APPL1: variants seen among roughly 807,000 people sequenced by gnomAD.
APPL1 encodes the protein DCC-interacting protein 13-alpha.
Under a neutral mutation model 106.8 loss-of-function variants are expected in APPL1, and 42 were observed. The observed-to-expected ratio is 0.39, with a 90% CI of 0.31 to 0.51. The LOEUF is 0.51. Ranked by LOEUF, APPL1 falls within the 20% of genes least tolerant of loss-of-function variation. The pLI, the probability that APPL1 is intolerant of heterozygous loss-of-function variation, is 0.75. For missense variants in APPL1, 769 were observed against 858.2 expected (o/e 0.90, Z 1.30); for synonymous variants, 263 against 281.8 (o/e 0.93, Z 0.67).
At chr3:57,257,517 A>G (rs923202145) in intron 15 of APPL1, 89 bp downstream of exon 15, 3 of 1,130,556 alleles carry the variant, frequency 2.7e-6, no homozygotes, top group African/African-American at 3.1e-5. Context: ...CTTATTTATA[A>G]TGTATATCAG....
intron 7 of APPL1, among the ~76,000 whole-genome samples, chr3:57,244,927 A>G (rs1240959908): frequency 2.0e-5 from 3 of 152,160 alleles, no homozygotes; most frequent in African/African-American, 7.2e-5. Context: ...AGTAGAATTG[A>G]CAAGACTTGT....
At chr3:57,235,476 T>C (rs1347607380) in intron 1 of APPL1, 90 bp from the exon 2 acceptor site, 4 of 724,480 alleles carry the variant, frequency 5.5e-6, no homozygotes, top group East Asian at 2.7e-5. Flanking sequence ...AACTTTAATA[T>C]CCTACGATTT....
At position 57,257,313 on chromosome 3, in the gene APPL1, G is replaced by A; in HGVS notation, c.1315G>A (p.Ala439Thr). 6.2e-7 allele frequency: 1 copy of A among 1,613,934 alleles called. No individual in the cohort carries two copies. Among genetic ancestry groups the A allele is most frequent in the African/African-American group, 1.3e-5 (1 of 74,958 alleles). The change falls in exon 15 of 22, where the codon GCT becomes ACT. Residue 439 changes from alanine (A) to threonine (T), a missense_variant. Physicochemically the swap from Ala to Thr is moderately conservative, Grantham distance 58. Coordinates refer to ENST00000288266, the MANE Select transcript of APPL1 (RefSeq NM_012096.3). ...CTTAGGATCTGAGTCTACAAATTTG[G>A]CTGCCCTCTCTCTAGATTCTCTTGT... is the stretch of plus-strand genomic sequence containing the variant. ...GSLGSESTNL[A>T]ALSLDSLVAP...
Position 57,227,730 on chromosome 3 carries a change from C to T in APPL1, c.-154C>T, listed in dbSNP as rs2060658081. On this transcript the variant is annotated 5_prime_UTR_variant, in exon 1 of 22. Transcript: ENST00000288266. ...GAGGCCGAGGGGGCGGGATTTCCCG[C>T]ACGGCCGCTCGGCGCCTGGAGAAGG... is the stretch of plus-strand genomic sequence containing the variant. The T allele has an allele frequency of 1.9e-5, 11 of 586,056 alleles. No individual in the cohort carries two copies. The highest frequency in any genetic ancestry group is 2.8e-5 in the Non-Finnish European group (11 of 398,192). 36.3% of individuals were successfully genotyped at this position (586,056 alleles called of 1,614,324 possible).
Position 57,227,801 on chromosome 3 carries a change from C to T in APPL1, c.-83C>T, listed in dbSNP as rs1319477611. The T allele has an allele frequency of 8.1e-6, 10 of 1,241,016 alleles. No individual in the cohort carries two copies. Among genetic ancestry groups the T allele is most frequent in the Non-Finnish European group, 8.6e-6 (8 of 934,188 alleles). 76.9% of individuals were successfully genotyped at this position (1,241,016 alleles called of 1,614,324 possible). A position where few individuals can be genotyped will look rare whatever the true frequency, so the allele number is the denominator to read the frequency against. ...GCAGCCCTTGCCGGAGAGGGCGGGC[C>T]GGGGTCAGCTGCGGCGGGCGGGCCG... On this transcript the variant is annotated 5_prime_UTR_variant, in exon 1 of 22. Coordinates refer to ENST00000288266, the MANE Select transcript of APPL1 (RefSeq NM_012096.3).
intron 1 of APPL1, chr3:57,230,583 A>G (rs940406025): frequency 4.1e-6 from 1 of 242,780 alleles, no homozygotes; most frequent in Admixed American, 6.0e-5. Flanking sequence ...AAGACCACAC[A>G]TTTCCTTAAC....
At chr3:57,242,244 T>G (rs2060750292) in intron 6 of APPL1, 102 bp downstream of exon 6, 2 of 850,926 alleles carry the variant, frequency 2.4e-6, no homozygotes, top group Admixed American at 5.7e-5. Flanking sequence ...AAAAACCAAT[T>G]AAAAATAAGT....
chr3:57,247,260 T>C, intron 8 of APPL1, 135 bp from the exon 9 acceptor site: 1 of 564,442 alleles, frequency 1.8e-6, no homozygotes. Flanking sequence ...AACTACAATG[T>C]ATTTTTACAC....
intron 20 of APPL1, 141 bp from the exon 21 acceptor site, chr3:57,268,257 T>C (rs2060908209): frequency 2.5e-6 from 2 of 814,286 alleles, no homozygotes; most frequent in African/African-American, 1.7e-5. Context: ...TTGTTTACCA[T>C]TGAATATAAA....
At chr3:57,249,893 C>T (rs1432651772) in intron 11 of APPL1, among the ~76,000 whole-genome samples, 4 of 152,136 alleles carry the variant, frequency 2.6e-5, no homozygotes, top group Non-Finnish European at 5.9e-5. Flanking sequence ...GGATCCATTA[C>T]TTACTGTGTG....
At chr3:57,252,205 A>C in intron 11 of APPL1, 64 bp from the exon 12 acceptor site, 5 of 1,328,188 alleles carry the variant, frequency 3.8e-6, no homozygotes, top group South Asian at 1.3e-5. Context: ...TTAAAAAGTT[A>C]CCTCGGATTA....
intron 13 of APPL1, among the ~76,000 whole-genome samples, chr3:57,256,254 T>C (rs2060835599): frequency 6.6e-6 from 1 of 152,222 alleles, no homozygotes; most frequent in Non-Finnish European, 1.5e-5. Context: ...AAATTTACCA[T>C]GTTAACCATT....
chr3:57,230,844 T>G (rs6789847), intron 1 of APPL1: 1 of 412,770 alleles, frequency 2.4e-6, no homozygotes. Flanking sequence ...GCCATAGCTC[T>G]GAAACCTCAA....
intron 2 of APPL1, among the ~76,000 whole-genome samples, chr3:57,237,142 G>A (rs1419282402): frequency 6.6e-6 from 1 of 152,184 alleles, no homozygotes; most frequent in Non-Finnish European, 1.5e-5. Flanking sequence ...CTGTAGTCTA[G>A]TATCAGCATC....
At position 57,252,257 on chromosome 3, in the gene APPL1, C is replaced by G. The variant is rs780473103; in HGVS notation, c.1053-12C>G. ...TTAAACAGTTGAGGCTCAAACGTCT[C>G]TTCTCTTCCAGATCTTCAATTTTGC... is the stretch of plus-strand genomic sequence containing the variant. On this transcript the variant is annotated splice_polypyrimidine_tract_variant and intron_variant, in intron 11 of 21. Transcript: ENST00000288266. 2 of 1,606,684 alleles carry G rather than the reference C, an allele frequency of 1.2e-6. No homozygotes were observed. Among genetic ancestry groups the G allele is most frequent in the South Asian group, 2.2e-5 (2 of 89,340 alleles).
In APPL1 at chr3:57,227,748, G is replaced by A. The variant is rs909672315; in HGVS notation, c.-136G>A. The A allele has an allele frequency of 7.1e-6, 5 of 704,194 alleles. No homozygotes were observed. Among genetic ancestry groups the A allele is most frequent in the African/African-American group, 3.8e-5 (2 of 52,968 alleles). 43.6% of individuals were successfully genotyped at this position (704,194 alleles called of 1,614,324 possible). A position where few individuals can be genotyped will look rare whatever the true frequency, so the allele number is the denominator to read the frequency against. On this transcript the variant is annotated 5_prime_UTR_variant, in exon 1 of 22. Coordinates refer to ENST00000288266, the MANE Select transcript of APPL1 (RefSeq NM_012096.3). ...TTTCCCGCACGGCCGCTCGGCGCCT[G>A]GAGAAGGCTGTGCGGGCGGGGACGG...
At chr3:57,236,788 A>G (rs767810053) in intron 2 of APPL1, among the ~76,000 whole-genome samples, 11 of 152,238 alleles carry the variant, frequency 7.2e-5, no homozygotes, top group Non-Finnish European at 1.6e-4. Flanking sequence ...ATGTTTGGAT[A>G]ACTTAATTAT....
chr3:57,253,771 G>T, intron 13 of APPL1, 33 bp downstream of exon 13: 1 of 1,346,918 alleles, frequency 7.4e-7, no homozygotes, highest in Non-Finnish European at 9.7e-7. Context: ...CCCAGATCTA[G>T]CAAAATTGAG....
At position 57,257,249 on chromosome 3, in the gene APPL1, A is replaced by G. The variant is rs1445818190; in HGVS notation, c.1251A>G (p.Gln417=). The change falls in exon 15 of 22, where the codon CAA becomes CAG. Residue 417 remains glutamine, a synonymous_variant. Coordinates refer to ENST00000288266, the MANE Select transcript of APPL1 (RefSeq NM_012096.3). ...RHESLRPAAG[Q]SRPPTARTSS... The stretch of plus-strand genomic sequence containing the variant: ...TGCCTTCTTGTTTTATGCTTAGACA[A>G]TCTCGGCCACCGACAGCTCGAACCA... 7.5e-6 allele frequency: 12 copies of G among 1,610,524 alleles called. No homozygotes were observed. The highest frequency in any genetic ancestry group is 1.0e-5 in the Non-Finnish European group (12 of 1,178,720).
Sources: allele counts gnomAD v4.1 joint callset (sites outside exome capture counted in the v4.1 genomes callset), GRCh38; gene constraint gnomAD v4.1.1; transcripts MANE v1.5; gene names NCBI Gene and HGNC (gene_info 2026-07-23, HGNC 2026-07-21).